The following RAPH1 variants were observed in gnomAD, a reference collection of about 807,000 sequenced individuals.
RAPH1 encodes the protein ras-associated and pleckstrin homology domains-containing protein 1.
Under a neutral mutation model 88.1 loss-of-function variants are expected in RAPH1, and 18 were observed. The observed-to-expected ratio is 0.20, with a 90% CI of 0.14 to 0.30. The LOEUF (loss-of-function observed/expected upper bound fraction) is 0.30, where lower values mean the gene tolerates loss of function less well. RAPH1 is among the 10% of genes least tolerant of loss of function. RAPH1 has a pLI of 1.00. For synonymous variants in RAPH1, 587 were observed against 559.0 expected (o/e 1.05, Z -0.71); for missense variants, 1,448 against 1,543.2 (o/e 0.94, Z 1.03).
intron 1 of RAPH1, among the ~76,000 whole-genome samples, chr2:203,521,654 A>G (rs1399240414): frequency 6.6e-6 from 1 of 152,172 alleles, no homozygotes; most frequent in Non-Finnish European, 1.5e-5. Context: ...TTTATTTTTA[A>G]AAAATATTCG....
intron 4 of RAPH1, among the ~76,000 whole-genome samples, chr2:203,467,194 ATGTGTAAATGTTTTTCTATAAATACATT>A (rs1424726983): frequency 1.2e-4 from 18 of 152,168 alleles, no homozygotes; most frequent in African/African-American, 4.3e-4. Context: ...TAGTGTCCTT[ATGTGTAAATGTTTTTCTATAAATACATT>A]TGACCCTCCA....
intron 5 of RAPH1, 85 bp from the exon 6 acceptor site, chr2:203,461,493 G>C: frequency 1.9e-6 from 2 of 1,027,754 alleles, no homozygotes; most frequent in South Asian, 5.0e-5. Flanking sequence ...ATAAAATTTG[G>C]ATTAATGTAT....
At chr2:203,493,135 A>G (rs949006795) in intron 2 of RAPH1, among the ~76,000 whole-genome samples, 1 of 152,232 alleles carries the variant, frequency 6.6e-6, no homozygotes, top group Non-Finnish European at 1.5e-5. Flanking sequence ...ATTAGCAGTG[A>G]GTCACACTAT....
intron 4 of RAPH1, among the ~76,000 whole-genome samples, chr2:203,471,598 G>C (rs1327070344): frequency 1.3e-5 from 2 of 151,372 alleles, no homozygotes; most frequent in Admixed American, 6.6e-5. Context: ...GGCGACAAGT[G>C]AAACTCTTGT....
chr2:203,484,886 A>C (rs1687895020), intron 4 of RAPH1, among the ~76,000 whole-genome samples: 1 of 152,196 alleles, frequency 6.6e-6, no homozygotes, highest in South Asian at 2.1e-4. Context: ...TGAATAAATA[A>C]AAAGAGACAT....
At chr2:203,450,901 T>G (rs1470169038) in intron 10 of RAPH1, among the ~76,000 whole-genome samples, 2 of 152,030 alleles carry the variant, frequency 1.3e-5, no homozygotes, top group South Asian at 2.1e-4. Context: ...AAGAGGGTTT[T>G]TTTTTTTTTT....
chr2:203,454,491 T>C lies in RAPH1; in HGVS notation c.1352A>G (p.Tyr451Cys). The change falls in exon 10 of 14, where the codon TAT becomes TGT. Residue 451 changes from tyrosine (Y) to cysteine (C), a missense_variant. By Grantham distance (194) the Tyr-to-Cys change is radical (BLOSUM62 -2). This residue lies in a region of RAPH1 where 513 missense variants were observed against 653.1 expected (regional missense o/e 0.79). Transcript: ENST00000319170. ...CFLQLDHVNVYYGQDYRNKYK... is the reference protein window; with the variant it reads ...CFLQLDHVNVCYGQDYRNKYK... ...TTTGTTCCGATAGTCCTGGCCATAA[T>C]AAACGTTGACATGATCCAGCTGGAG... 6.2e-7 allele frequency: 1 copy of C among 1,613,826 alleles called. No individual in the cohort carries two copies. The highest frequency in any genetic ancestry group is 8.5e-7 in the Non-Finnish European group (1 of 1,179,922).
chr2:203,482,836 A>AAAAC (rs1687791851), intron 4 of RAPH1, among the ~76,000 whole-genome samples: 3 of 151,888 alleles, frequency 2.0e-5, no homozygotes, highest in African/African-American at 7.3e-5. Flanking sequence ...CAAAACAAAA[A>AAAAC]AAAGGTAATA....
chr2:203,501,901 TC>T (rs1162520261), intron 1 of RAPH1, among the ~76,000 whole-genome samples: 1 of 151,484 alleles, frequency 6.6e-6, no homozygotes, highest in African/African-American at 2.4e-5. Flanking sequence ...AGAACAGGGC[TC>T]CCTGCAGCCT....
chr2:203,465,636 C>T (rs2098527894), intron 4 of RAPH1, among the ~76,000 whole-genome samples: 1 of 152,132 alleles, frequency 6.6e-6, no homozygotes, highest in Admixed American at 6.5e-5. Context: ...GCCTGTAATC[C>T]CAGCACTTTG....
chr2:203,520,634 GA>G (rs1232573881), intron 1 of RAPH1, among the ~76,000 whole-genome samples: 34 of 135,958 alleles, frequency 2.5e-4, no homozygotes, highest in Middle Eastern at 3.8e-3. Flanking sequence ...TCTCAAAAAG[GA>G]AAAAAAAAAA....
intron 1 of RAPH1, among the ~76,000 whole-genome samples, chr2:203,526,569 A>G (rs1278658114): frequency 2.0e-5 from 3 of 151,970 alleles, no homozygotes; most frequent in African/African-American, 7.2e-5. Flanking sequence ...TACCAAAAAT[A>G]CAAAAATTAG....
chr2:203,442,380 A>T (rs1301295066), intron 13 of RAPH1: 1 of 239,296 alleles, frequency 4.2e-6, no homozygotes, highest in Non-Finnish European at 8.0e-6. Context: ...GGCTCTTTGA[A>T]CAAACTTTGA....
intron 13 of RAPH1, 28 bp from the exon 14 acceptor site, chr2:203,441,441 A>G (rs1380109700): frequency 3.3e-6 from 5 of 1,503,974 alleles, no homozygotes; most frequent in African/African-American, 2.8e-5. Flanking sequence ...AGGGAGTGGG[A>G]GAGAGAAAAA....
chr2:203,465,332 A>T (rs1017977395), intron 4 of RAPH1, among the ~76,000 whole-genome samples: 1 of 152,254 alleles, frequency 6.6e-6, no homozygotes, highest in Non-Finnish European at 1.5e-5. Context: ...CTCTCAAGCC[A>T]TGAAAAGACA....
intron 1 of RAPH1, among the ~76,000 whole-genome samples, chr2:203,530,728 C>T (rs1235756485): frequency 6.6e-6 from 1 of 151,896 alleles, no homozygotes; most frequent in Non-Finnish European, 1.5e-5. Flanking sequence ...TCTGTCTCTA[C>T]TAAAAATACA....
At chr2:203,464,525 C>A (rs1376079769) in intron 4 of RAPH1, among the ~76,000 whole-genome samples, 21 of 152,244 alleles carry the variant, frequency 1.4e-4, no homozygotes, top group African/African-American at 4.6e-4. Flanking sequence ...CCTGCCTAGA[C>A]CTCCCAAAGT....
intron 2 of RAPH1, 134 bp from the exon 3 acceptor site, chr2:203,491,453 C>G (rs1006641044): frequency 1.1e-5 from 6 of 558,194 alleles, no homozygotes. Context: ...AAGTAATAGA[C>G]TTAAGGAAAA....
intron 10 of RAPH1, among the ~76,000 whole-genome samples, chr2:203,453,843 C>T (rs2098516897): frequency 6.6e-6 from 1 of 151,802 alleles, no homozygotes; most frequent in African/African-American, 2.4e-5. Context: ...TATAAATTTG[C>T]TTAAAATGTC....
Sources: gnomAD v4.1 joint callset for allele counts (sites outside exome capture counted in the v4.1 genomes callset) on GRCh38, gnomAD v4.1.1 for gene constraint, gnomAD v4.1.1 regional missense constraint, MANE v1.5 for transcripts, NCBI Gene and HGNC (gene_info 2026-07-23, HGNC 2026-07-21) for gene names.